The following PDE5A variants were observed in gnomAD, a reference collection of about 807,000 sequenced individuals.
The protein encoded by PDE5A is cGMP-specific 3',5'-cyclic phosphodiesterase.
In PDE5A, 67 loss-of-function variants were observed where a neutral mutation model predicts 110.2. The ratio of observed to expected loss-of-function variants is 0.61; its 90% CI spans 0.50 to 0.75. The LOEUF (loss-of-function observed/expected upper bound fraction) is 0.75. Among genes scored for constraint, PDE5A ranks in the 30% least tolerant of loss-of-function variants. The pLI is 0.00. For missense variants in PDE5A, 862 were observed against 1,045.1 expected (o/e 0.82, Z 2.42); for synonymous variants, 328 against 351.2 (o/e 0.93, Z 0.74).
intron 2 of PDE5A, among the ~76,000 whole-genome samples, chr4:119,601,070 A>G (rs1432791389): frequency 6.6e-6 from 1 of 152,176 alleles, no homozygotes; most frequent in Non-Finnish European, 1.5e-5. Flanking sequence ...GACCTCCTAA[A>G]GGCCATGGGA....
intron 11 of PDE5A, among the ~76,000 whole-genome samples, chr4:119,531,904 T>A (rs1726556005): frequency 6.6e-6 from 1 of 152,144 alleles, no homozygotes; most frequent in South Asian, 2.1e-4. Flanking sequence ...CTCTCTCTAG[T>A]ACCCAATGCT....
intron 10 of PDE5A, among the ~76,000 whole-genome samples, chr4:119,540,478 C>G (rs1315498018): frequency 1.0e-5 from 1 of 98,508 alleles, no homozygotes; most frequent in Non-Finnish European, 2.0e-5. Context: ...CCTGTTGCTA[C>G]TGAGACTACA....
chr4:119,601,866 C>G (rs1729359450), intron 2 of PDE5A, among the ~76,000 whole-genome samples: 1 of 152,106 alleles, frequency 6.6e-6, no homozygotes, highest in Admixed American at 6.5e-5. Flanking sequence ...AAGGGCCTAG[C>G]TTGAATCTAT....
At chr4:119,542,916 C>G (rs1726993191) in intron 9 of PDE5A, among the ~76,000 whole-genome samples, 1 of 151,962 alleles carries the variant, frequency 6.6e-6, no homozygotes, top group Non-Finnish European at 1.5e-5. Context: ...AGTTGAGTCC[C>G]CAAAGACAAT....
At chr4:119,564,795 C>T (rs1423947430) in intron 5 of PDE5A, among the ~76,000 whole-genome samples, 1 of 151,982 alleles carries the variant, frequency 6.6e-6, no homozygotes, top group Non-Finnish European at 1.5e-5. Context: ...CTAGACAAAG[C>T]CCAGGAAAAG....
intron 9 of PDE5A, chr4:119,548,149 C>G (rs541174653): frequency 6.7e-6 from 1 of 149,232 alleles, no homozygotes; most frequent in Non-Finnish European, 1.5e-5. Flanking sequence ...CCCAGGTTCA[C>G]GCCATTCTCC....
chr4:119,539,027 G>A lies in PDE5A; in HGVS notation c.1573-8C>T, dbSNP rs928061973. ...AGCATGATACGACAGAACCTACAGGGTAGGAAAAGAAGTCCAGGTTACACA... is the reference window on the plus strand; with the variant it reads ...AGCATGATACGACAGAACCTACAGGATAGGAAAAGAAGTCCAGGTTACACA... On this transcript the variant is annotated splice_polypyrimidine_tract_variant and splice_region_variant and intron_variant, in intron 10 of 20. Transcript: ENST00000354960. 1.9e-6 allele frequency: 3 copies of A among 1,610,706 alleles called. No individual in the cohort carries two copies. The African/African-American group carries it at 4.0e-5, about 21-fold the overall frequency.
chr4:119,506,244 G>A (rs1725550330), intron 16 of PDE5A, among the ~76,000 whole-genome samples: 2 of 151,722 alleles, frequency 1.3e-5, no homozygotes, highest in Admixed American at 6.6e-5. Flanking sequence ...ATTTGATGCT[G>A]AGAATGATTT....
intron 3 of PDE5A, among the ~76,000 whole-genome samples, chr4:119,577,680 C>T (rs181070342): frequency 2.7e-3 from 416 of 152,210 alleles, no homozygotes; most frequent in African/African-American, 9.7e-3. Context: ...ATTGATGGGA[C>T]GTATCTCAAA....
intron 11 of PDE5A, among the ~76,000 whole-genome samples, chr4:119,537,446 T>C (rs1166401721): frequency 6.6e-6 from 1 of 152,088 alleles, no homozygotes; most frequent in East Asian, 1.9e-4. Context: ...TGAGATCTCC[T>C]CCCTTTTTGA....
chr4:119,580,442 T>TG (rs1460972928), intron 3 of PDE5A, among the ~76,000 whole-genome samples: 1 of 152,214 alleles, frequency 6.6e-6, no homozygotes, highest in East Asian at 1.9e-4. Flanking sequence ...AACAGCCTGC[T>TG]GTCTTTCCCA....
chr4:119,628,616 T>TGCTGGG lies in PDE5A; in HGVS notation c.50_55dup (p.Pro17_Gln18dup). The TGCTGGG allele has an allele frequency of 1.2e-6, 2 of 1,613,950 alleles. No homozygotes were observed. Among genetic ancestry groups the TGCTGGG allele is most frequent in the South Asian group, 2.2e-5 (2 of 91,050 alleles). Reference sequence around the variant, plus strand: ...CTGATCCCTCTGCTGCTGCTTCTGCTGCTGGGGCTGCTGCTGCTGTCGCTG... The same window carrying TGCTGGG: ...CTGATCCCTCTGCTGCTGCTTCTGCTGCTGGGGCTGGGGCTGCTGCTGCTGTCGCTG... On this transcript the variant is annotated inframe_insertion, in exon 1 of 21. Coordinates refer to ENST00000354960, the MANE Select transcript of PDE5A (RefSeq NM_001083.4).
At chr4:119,617,254 G>A (rs551310954) in intron 1 of PDE5A, among the ~76,000 whole-genome samples, 162 of 152,118 alleles carry the variant, frequency 1.1e-3, no homozygotes, top group Middle Eastern at 0.01. Context: ...CACAAGTCAC[G>A]GCTTCTTCCA....
intron 7 of PDE5A, among the ~76,000 whole-genome samples, chr4:119,558,745 G>A (rs1009915797): frequency 3.3e-5 from 5 of 151,564 alleles, no homozygotes; most frequent in Admixed American, 6.6e-5. Flanking sequence ...GTGAAACCCC[G>A]TCTCTACTAA....
intron 5 of PDE5A, 43 bp from the exon 6 acceptor site, chr4:119,563,013 T>C: frequency 6.6e-7 from 1 of 1,509,444 alleles, no homozygotes; most frequent in Non-Finnish European, 8.9e-7. Flanking sequence ...CAATTGATTG[T>C]AATTATTAAA....
At chr4:119,551,501 T>A (rs1727354124) in intron 9 of PDE5A, among the ~76,000 whole-genome samples, 2 of 152,174 alleles carry the variant, frequency 1.3e-5, no homozygotes, top group Non-Finnish European at 2.9e-5. Context: ...GCAGAGGGAC[T>A]GGGAATTGGA....
chr4:119,590,434 C>A (rs768250914), intron 3 of PDE5A, among the ~76,000 whole-genome samples: 1 of 152,154 alleles, frequency 6.6e-6, no homozygotes, highest in Non-Finnish European at 1.5e-5. Context: ...TTTTCTCCAG[C>A]CAGTAGCTCT....
At chr4:119,516,930 C>G (rs1277894346) in intron 14 of PDE5A, 1 of 152,270 alleles carries the variant, frequency 6.6e-6, no homozygotes, top group Admixed American at 6.5e-5. Context: ...TCATTCTCTT[C>G]TTGATTCACC....
At chr4:119,503,826 C>T (rs1018219878) in intron 18 of PDE5A, among the ~76,000 whole-genome samples, 6 of 152,100 alleles carry the variant, frequency 3.9e-5, no homozygotes, top group Admixed American at 1.3e-4. Context: ...TGTGCAAATG[C>T]ATCTTCTAAA....
Sources: allele counts gnomAD v4.1 joint callset (sites outside exome capture counted in the v4.1 genomes callset), GRCh38; gene constraint gnomAD v4.1.1; transcripts MANE v1.5; gene names NCBI Gene and HGNC (gene_info 2026-07-23, HGNC 2026-07-21).